Variants in ACY1 observed in about 807,000 individuals in gnomAD.
The protein encoded by ACY1 is aminoacylase 1.
Under a neutral mutation model 53.3 loss-of-function variants are expected in ACY1, and 38 were observed. That is an observed-to-expected ratio of 0.71 (90% CI 0.55 to 0.93). The LOEUF is 0.93. ACY1 is among the 40% of genes least tolerant of loss of function. The pLI is 0.00. For synonymous variants in ACY1, 177 were observed against 202.1 expected, an observed-to-expected ratio of 0.88 and a Z score of 1.05; for missense variants, 484 against 540.9, an observed-to-expected ratio of 0.89 and a Z score of 1.04.
intron 4 of ACY1, 132 bp downstream of exon 4, chr3:51,985,597 A>T: frequency 5.7e-6 from 5 of 876,168 alleles, no homozygotes; most frequent in South Asian, 3.0e-5. Flanking sequence ...TCCTTATGAC[A>T]TTACACCACT....
intron 8 of ACY1, 118 bp from the exon 9 acceptor site, chr3:51,986,869 TG>T: frequency 7.8e-7 from 1 of 1,283,170 alleles, no homozygotes; most frequent in Non-Finnish European, 1.1e-6. Context: ...GGGCCCTGAG[TG>T]GGGACAGGAC....
At chr3:51,987,678 T>A in intron 12 of ACY1, 54 bp downstream of exon 12, 2 of 1,566,182 alleles carry the variant, frequency 1.3e-6, no homozygotes, top group South Asian at 1.1e-5. Flanking sequence ...GAGACCCAAG[T>A]GTGCAACAGT....
Position 51,989,038 on chromosome 3 carries a change from C to T in ACY1, c.1190C>T (p.Ala397Val), listed in dbSNP as rs770312240. Reference sequence around the variant, plus strand: ...GACATATATACACGCCTGCTGCCTGCCCTTGCCAGTGTGCCTGCCCTGCCC... The same window carrying T: ...GACATATATACACGCCTGCTGCCTGTCCTTGCCAGTGTGCCTGCCCTGCCC... ...GVDIYTRLLP[A>V]LASVPALPSD... Residue 397 changes from alanine to valine, a missense_variant, in exon 15 of 15, where the codon GCC becomes GTC. Transcript: ENST00000636358. 8 of 1,614,042 alleles carry T rather than the reference C, an allele frequency of 5.0e-6. No individual in the cohort carries two copies. Among genetic ancestry groups the T allele is most frequent in the Non-Finnish European group, 6.8e-6 (8 of 1,180,024 alleles).
At position 51,987,161 on chromosome 3, in the gene ACY1, C is replaced by T; in HGVS notation, c.672C>T (p.Asn224=). The T allele has an allele frequency of 6.2e-7, 1 of 1,614,172 alleles. No individual in the cohort carries two copies. The highest frequency in any genetic ancestry group is 1.6e-4 in the Middle Eastern group (1 of 6,062). ...TATTCTCATAGCACAAGGTTGTAAACTCCATCCTGGCATTCCGGGAGAAGG... is the reference window on the plus strand; with the variant it reads ...TATTCTCATAGCACAAGGTTGTAAATTCCATCCTGGCATTCCGGGAGAAGG... ...TAAEKLHKVV[N]SILAFREKEW... Residue 224 remains asparagine (N), a synonymous_variant, in exon 10 of 15, where the codon AAC becomes AAT. Coordinates refer to ENST00000636358, the MANE Select transcript of ACY1 (RefSeq NM_000666.3).
intron 5 of ACY1, 125 bp downstream of exon 5, chr3:51,986,071 T>C (rs1701045678): frequency 9.0e-7 from 1 of 1,115,028 alleles, no homozygotes; most frequent in South Asian, 1.3e-5. Context: ...GGACAGGAAC[T>C]ACTGCCATGA....
chr3:51,989,117 C>T lies in ACY1; in HGVS notation c.*42C>T. Reference sequence around the variant, plus strand: ...ACCTTTGCCCCTGGGGCTTCCATCCCAACCAGTGCCAAGGACCTCCTCTTC... The same window carrying T: ...ACCTTTGCCCCTGGGGCTTCCATCCTAACCAGTGCCAAGGACCTCCTCTTC... On this transcript the variant is annotated 3_prime_UTR_variant, in exon 15 of 15. Coordinates refer to ENST00000636358, the MANE Select transcript of ACY1 (RefSeq NM_000666.3). The T allele has an allele frequency of 6.2e-7, 1 of 1,608,064 alleles. No individual in the cohort carries two copies. Among genetic ancestry groups the T allele is most frequent in the Non-Finnish European group, 8.5e-7 (1 of 1,179,288 alleles).
Position 51,988,953 on chromosome 3 carries a change from C to A in ACY1, c.1105C>A (p.Pro369Thr), listed in dbSNP as rs1360304104. The change falls in exon 15 of 15, where the codon CCT (proline) becomes ACT (threonine). Residue 369 changes from proline (P) to threonine (T), a missense_variant. By Grantham distance (38) the Pro-to-Thr change is conservative. Transcript: ENST00000636358. ...ALGFSPMNRT[P>T]VLLHDHDERL... ...AGGCTTCTCACCCATGAACCGCACACCTGTGCTGCTGCACGACCACGATGA... is the reference window on the plus strand; with the variant it reads ...AGGCTTCTCACCCATGAACCGCACAACTGTGCTGCTGCACGACCACGATGA... 1.2e-6 allele frequency: 2 copies of A among 1,614,218 alleles called. No individual in the cohort carries two copies. The highest frequency in any genetic ancestry group is 4.5e-5 in the East Asian group (2 of 44,884).
chr3:51,987,808 G>A, intron 12 of ACY1, 184 bp downstream of exon 12: 1 of 656,486 alleles, frequency 1.5e-6, no homozygotes, highest in Non-Finnish European at 2.6e-6. Flanking sequence ...ATGCTGTGGG[G>A]AGTAAAATTA....
intron 2 of ACY1, 24 bp downstream of exon 2, chr3:51,984,182 C>T (rs768449250): frequency 1.2e-6 from 2 of 1,607,978 alleles, no homozygotes; most frequent in South Asian, 2.2e-5. Flanking sequence ...GGTTCCAGAG[C>T]CTGTGACGGG....
rs368998510 is a variant in ACY1 at position 51,987,471 on chromosome 3, G to C, written c.852+18G>C. 6 of 1,614,090 alleles carry C rather than the reference G, an allele frequency of 3.7e-6. No individual in the cohort carries two copies. The African/African-American group carries it at 8.0e-5, about 22-fold the overall frequency. ...ACTTCAAGGTGCCACCTCCACCTGG[G>C]TTTGGAGGAGGGATCCTGGGTCCTC... On this transcript the variant is annotated intron_variant, in intron 11 of 14. Transcript: ENST00000636358.
Position 51,987,298 on chromosome 3 carries a change from C to G in ACY1, c.708-11C>G, listed in dbSNP as rs1410989516. 4 of 1,613,996 alleles carry G rather than the reference C, an allele frequency of 2.5e-6. No homozygotes were observed. Among genetic ancestry groups the G allele is most frequent in the East Asian group, 2.2e-5 (1 of 44,894 alleles). On this transcript the variant is annotated splice_polypyrimidine_tract_variant and intron_variant, in intron 10 of 14. Transcript: ENST00000636358. Reference sequence around the variant, plus strand: ...ATCTGTTGCTGCCGCTACCCTGCCCCCACACCACAGGCTGCAGTCAAACCC... The same window carrying G: ...ATCTGTTGCTGCCGCTACCCTGCCCGCACACCACAGGCTGCAGTCAAACCC...
Position 51,986,986 on chromosome 3 carries a change from A to T in ACY1, c.584-2A>T, listed in dbSNP as rs1701086081. 6.2e-7 allele frequency: 1 copy of T among 1,612,198 alleles called. No individual in the cohort carries two copies. Among genetic ancestry groups the T allele is most frequent in the East Asian group, 2.2e-5 (1 of 44,878 alleles). On this transcript the variant is annotated splice_acceptor_variant, in intron 8 of 14. Transcript: ENST00000636358. LOFTEE classifies it high-confidence loss of function. ...CACTGCCTTCCCCCTACACCTCCCC[A>T]GGGGTGCGGGTTACCAGCACTGGGA...
chr3:51,984,632 T>C (rs1577724024), intron 2 of ACY1: 1 of 283,446 alleles, frequency 3.5e-6, no homozygotes, highest in East Asian at 9.3e-5. Context: ...TTGAGCAACA[T>C]GGCAAGACTC....
At position 51,984,113 on chromosome 3, in the gene ACY1, C is replaced by A; in HGVS notation, c.49C>A (p.Arg17Ser). The part of the protein sequence containing the change: ...EEEHPSVTLF[R>S]QYLRIRTVQP... Reference sequence around the variant, plus strand: ...GGAGCACCCATCGGTGACGCTCTTCCGCCAGTACCTGCGTATCCGCACTGT... The same window carrying A: ...GGAGCACCCATCGGTGACGCTCTTCAGCCAGTACCTGCGTATCCGCACTGT... The change falls in exon 2 of 15, where the codon CGC (arginine) becomes AGC (serine). Residue 17 changes from arginine to serine, a missense_variant. Physicochemically the swap from Arg to Ser is moderately radical, Grantham distance 110. Coordinates refer to ENST00000636358, the MANE Select transcript of ACY1 (RefSeq NM_000666.3). 6.2e-7 allele frequency: 1 copy of A among 1,613,936 alleles called. No homozygotes were observed. The highest frequency in any genetic ancestry group is 1.1e-5 in the South Asian group (1 of 91,090).
At position 51,989,093 on chromosome 3, in the gene ACY1, C is replaced by T. The variant is rs1364226606; in HGVS notation, c.*18C>T. ...ACAGCTGAGCCCTGGAACTCCTAAA[C>T]CTTTGCCCCTGGGGCTTCCATCCCA... On this transcript the variant is annotated 3_prime_UTR_variant, in exon 15 of 15. Transcript: ENST00000636358. The T allele has an allele frequency of 6.2e-7, 1 of 1,612,196 alleles. No homozygotes were observed. Among genetic ancestry groups the T allele is most frequent in the Non-Finnish European group, 8.5e-7 (1 of 1,180,032 alleles).
intron 12 of ACY1, 74 bp downstream of exon 12, chr3:51,987,698 G>T: frequency 6.8e-7 from 1 of 1,466,812 alleles, no homozygotes; most frequent in Non-Finnish European, 9.5e-7. Context: ...TGGAGTGTGT[G>T]CTTGGTGTGT....
At chr3:51,986,169 C>A in intron 5 of ACY1, 86 bp from the exon 6 acceptor site, 1 of 1,399,042 alleles carries the variant, frequency 7.1e-7, no homozygotes, top group South Asian at 1.2e-5. Flanking sequence ...AAGTCCAGGA[C>A]ACAGGACTCC....
In ACY1 at chr3:51,989,047, G is replaced by T. The variant is rs780657518; in HGVS notation, c.1199G>T (p.Ser400Ile). Residue 400 changes from serine to isoleucine, a missense_variant, in exon 15 of 15, where the codon AGT becomes ATT. Coordinates refer to ENST00000636358, the MANE Select transcript of ACY1 (RefSeq NM_000666.3). ...ACACGCCTGCTGCCTGCCCTTGCCA[G>T]TGTGCCTGCCCTGCCCAGTGACAGC... ...IYTRLLPALA[S>I]VPALPSDS The T allele has an allele frequency of 6.2e-7, 1 of 1,613,846 alleles. No homozygotes were observed. The highest frequency in any genetic ancestry group is 8.5e-7 in the Non-Finnish European group (1 of 1,180,026).
In ACY1 at chr3:51,989,191, AAC is replaced by A; in HGVS notation, c.*120_*121del. 1 of 1,423,522 alleles carries A rather than the reference AAC, an allele frequency of 7.0e-7. No homozygotes were observed. Among genetic ancestry groups the A allele is most frequent in the Non-Finnish European group, 9.7e-7 (1 of 1,028,702 alleles). The allele number at this position is 1,423,522 out of a possible 1,614,324, so 88.2% of individuals were successfully genotyped here. A position where few individuals can be genotyped will look rare whatever the true frequency, so the allele number is the denominator to read the frequency against. On this transcript the variant is annotated 3_prime_UTR_variant, in exon 15 of 15. Coordinates refer to ENST00000636358, the MANE Select transcript of ACY1 (RefSeq NM_000666.3). ...TGGACAGGGCTGTCTCTGAAGTACTAACACAAGGACACTCGTGGAGCAAGAAT... is the reference window on the plus strand; with the variant it reads ...TGGACAGGGCTGTCTCTGAAGTACTAACAAGGACACTCGTGGAGCAAGAAT...
Sources: gnomAD v4.1 joint callset for allele counts on GRCh38, gnomAD v4.1.1 for gene constraint, MANE v1.5 for transcripts, NCBI Gene and HGNC (gene_info 2026-07-23, HGNC 2026-07-21) for gene names.